AKT1S1: variants seen among roughly 807,000 people sequenced by gnomAD.
AKT1S1 encodes the protein AKT1 substrate 1, also known as proline-rich AKT1 substrate 1.
A neutral mutation model predicts 21.2 loss-of-function variants in AKT1S1; 17 were observed. The observed-to-expected ratio is 0.80, with a 90% CI of 0.55 to 1.20. AKT1S1 has a LOEUF of 1.20. AKT1S1 is among the 50% of genes most tolerant of loss of function. AKT1S1 has a pLI of 0.00. For missense variants in AKT1S1, 366 were observed against 368.3 expected (o/e 0.99, Z 0.05); for synonymous variants, 181 against 165.6 (o/e 1.09, Z -0.72).
chr19:49,869,463 TGGGA>T lies in AKT1S1; in HGVS notation c.*450_*453del, dbSNP rs1291071241. 1.3e-5 allele frequency: 2 copies of T among 153,652 alleles called. No individual in the cohort carries two copies. The highest frequency in any genetic ancestry group is 1.3e-4 in the Admixed American group (2 of 15,296). The allele number at this position is 153,652 out of a possible 1,614,324, so 9.5% of individuals were successfully genotyped here. A position where few individuals can be genotyped will look rare whatever the true frequency, so the allele number is the denominator to read the frequency against. The stretch of plus-strand genomic sequence containing the variant: ...ACGCCCCCAGGAAGCTGGAGCCAAT[TGGGA>T]GGGAGAACTCAGGAAAAGCGGACGG... On this transcript the variant is annotated 3_prime_UTR_variant, in exon 5 of 5. Coordinates refer to ENST00000344175, the MANE Select transcript of AKT1S1 (RefSeq NM_001098633.4).
upstream of AKT1S1, chr19:49,877,595 C>G: frequency 1.0e-6 from 1 of 984,398 alleles, no homozygotes; most frequent in Non-Finnish European, 1.5e-6. Flanking sequence ...TGGTTTCACC[C>G]GCTCCTTCTC....
chr19:49,872,427 G>A (rs533204659), intron 2 of AKT1S1, among the ~76,000 whole-genome samples: 12 of 152,266 alleles, frequency 7.9e-5, no homozygotes, highest in African/African-American at 2.6e-4. Context: ...AAGCCCTAGC[G>A]TTACAGTCCA....
rs1329314633 is a variant in AKT1S1 at position 49,872,981 on chromosome 19, C to G, written c.315G>C (p.Glu105Asp). The change falls in exon 2 of 5, where the codon GAG becomes GAC. Residue 105 changes from glutamate (E) to aspartate (D), a missense_variant. Physicochemically the swap from Glu to Asp is conservative, Grantham distance 45 (BLOSUM62 2). Coordinates refer to ENST00000344175, the MANE Select transcript of AKT1S1 (RefSeq NM_001098633.4). ...RPTLAREDNE[E>D]DEDEPTETET... ...CTGTCTCTGTGGGCTCATCCTCGTCCTCCTCGTTGTCCTCTCTGGCCAGGG... is the reference window on the plus strand; with the variant it reads ...CTGTCTCTGTGGGCTCATCCTCGTCGTCCTCGTTGTCCTCTCTGGCCAGGG... The G allele has an allele frequency of 1.3e-6, 2 of 1,598,746 alleles. No homozygotes were observed. The highest frequency in any genetic ancestry group is 8.5e-7 in the Non-Finnish European group (1 of 1,174,154).
chr19:49,869,798 A>C lies in AKT1S1; in HGVS notation c.*119T>G. 1 of 1,132,520 alleles carries C rather than the reference A, an allele frequency of 8.8e-7. No individual in the cohort carries two copies. The highest frequency in any genetic ancestry group is 1.2e-6 in the Non-Finnish European group (1 of 860,706). 70.2% of individuals were successfully genotyped at this position (1,132,520 alleles called of 1,614,324 possible). On this transcript the variant is annotated 3_prime_UTR_variant, in exon 5 of 5. Transcript: ENST00000344175. ...TTGGCAGAGGCGGGACAATCTTGGG[A>C]ATGGGAGACGCAAGGAGGCCGGTCC...
chr19:49,870,246 AC>A (rs559800339), intron 4 of AKT1S1, among the ~76,000 whole-genome samples, 186 bp from the exon 5 acceptor site: 129 of 152,050 alleles, frequency 8.5e-4, no homozygotes, highest in African/African-American at 2.9e-3. Flanking sequence ...GAACCCTTCT[AC>A]CCGGTTCAGA....
chr19:49,872,776 A>C (rs1277546005), intron 2 of AKT1S1, 141 bp downstream of exon 2: 1 of 1,045,892 alleles, frequency 9.6e-7, no homozygotes, highest in Non-Finnish European at 1.4e-6. Context: ...AGCAAGCCCC[A>C]GGCAAGCCTG....
Position 49,871,795 on chromosome 19 carries a change from C to T in AKT1S1, c.457+17G>A, listed in dbSNP as rs1338024112. 3 of 1,611,346 alleles carry T rather than the reference C, an allele frequency of 1.9e-6. No individual in the cohort carries two copies. Among genetic ancestry groups the T allele is most frequent in the Non-Finnish European group, 2.5e-6 (3 of 1,178,768 alleles). On this transcript the variant is annotated intron_variant, in intron 3 of 4. Coordinates refer to ENST00000344175, the MANE Select transcript of AKT1S1 (RefSeq NM_001098633.4). ...GCCTGCCCTCAGGTCGGGAGGGGAA[C>T]AGCCTGGGACACTCACCATCTGTAC...
At chr19:49,875,480 C>A (rs908112856) in intron 1 of AKT1S1, among the ~76,000 whole-genome samples, 1 of 152,184 alleles carries the variant, frequency 6.6e-6, no homozygotes, top group Non-Finnish European at 1.5e-5. Context: ...TGGGGGGTAC[C>A]CGGTGTCTCA....
At position 49,869,986 on chromosome 19, in the gene AKT1S1, C is replaced by A. The variant is rs373953482; in HGVS notation, c.702G>T (p.Gln234His). The change falls in exon 5 of 5, where the codon CAG (glutamine) becomes CAT (histidine). Residue 234 changes from glutamine (Q) to histidine (H), a missense_variant. By Grantham distance (24) the Gln-to-His change is conservative. Coordinates refer to ENST00000344175, the MANE Select transcript of AKT1S1 (RefSeq NM_001098633.4). ...GCGGCCGTGGCAGGTCCCCGAAGAC[C>A]TGGGTGTCCTCGGCCTCTCGCAGCA... The part of the protein sequence containing the change: ...ALVLREAEDT[Q>H]VFGDLPRPRL... 36 of 1,548,154 alleles carry A rather than the reference C, an allele frequency of 2.3e-5. No individual in the cohort carries two copies. The highest frequency in any genetic ancestry group is 3.1e-5 in the Non-Finnish European group (36 of 1,144,396).
upstream of AKT1S1, chr19:49,877,360 C>T (rs1171270897): frequency 1.4e-5 from 4 of 293,596 alleles, no homozygotes; most frequent in South Asian, 1.2e-4. Context: ...AATGGTACCT[C>T]CTTGGCTTCA....
chr19:49,873,464 T>A lies in AKT1S1; in HGVS notation c.-7-162A>T. 1 of 1,284,008 alleles carries A rather than the reference T, an allele frequency of 7.8e-7. No homozygotes were observed. Among genetic ancestry groups the A allele is most frequent in the Non-Finnish European group, 1.0e-6 (1 of 997,082 alleles). The allele number at this position is 1,284,008 out of a possible 1,614,324, so 79.5% of individuals were successfully genotyped here. On this transcript the variant is annotated intron_variant, in intron 1 of 4. Transcript: ENST00000344175. The surrounding 1 kb of genome is among the most constrained non-coding windows in gnomAD (Gnocchi z 6.9). ...CCCCAAACCTGCTACTCCCCAGGAT[T>A]CTCACCATCCAGTCCTCGCAGGCCC...
Position 49,869,311 on chromosome 19 carries a change from G to C in AKT1S1, c.*606C>G, listed in dbSNP as rs1200666266. Reference sequence around the variant, plus strand: ...GGGGTGCCAGAGGCAGGGACAGTTTGGGGCCATCCCTGAGGGGGTCAGGGA... The same window carrying C: ...GGGGTGCCAGAGGCAGGGACAGTTTCGGGCCATCCCTGAGGGGGTCAGGGA... On this transcript the variant is annotated 3_prime_UTR_variant, in exon 5 of 5. Coordinates refer to ENST00000344175, the MANE Select transcript of AKT1S1 (RefSeq NM_001098633.4). The C allele has an allele frequency of 6.5e-6, 1 of 152,856 alleles. No individual in the cohort carries two copies. The highest frequency in any genetic ancestry group is 1.5e-5 in the Non-Finnish European group (1 of 68,112). 9.5% of individuals were successfully genotyped at this position (152,856 alleles called of 1,614,324 possible).
chr19:49,869,812 G>C lies in AKT1S1; in HGVS notation c.*105C>G. Reference sequence around the variant, plus strand: ...ACAATCTTGGGAATGGGAGACGCAAGGAGGCCGGTCCCGGATCGGCCTCAG... The same window carrying C: ...ACAATCTTGGGAATGGGAGACGCAACGAGGCCGGTCCCGGATCGGCCTCAG... On this transcript the variant is annotated 3_prime_UTR_variant, in exon 5 of 5. Transcript: ENST00000344175. The C allele has an allele frequency of 8.3e-7, 1 of 1,206,140 alleles. No homozygotes were observed. The highest frequency in any genetic ancestry group is 1.1e-6 in the Non-Finnish European group (1 of 924,692). The allele number at this position is 1,206,140 out of a possible 1,614,324, so 74.7% of individuals were successfully genotyped here.
intron 1 of AKT1S1, chr19:49,876,701 C>G (rs1046215986): frequency 8.3e-6 from 12 of 1,438,032 alleles, no homozygotes; most frequent in Non-Finnish European, 1.1e-5. Context: ...GCCTCCTCTC[C>G]GCACACTCCG....
Position 49,875,726 on chromosome 19 carries a change from G to C in AKT1S1, c.-8+1511C>G, listed in dbSNP as rs2074932676. On this transcript the variant is annotated intron_variant, in intron 1 of 4. Transcript: ENST00000344175. ...AGCCACGGGATTAAAGAGTGAAATAGGGTGAGTGAGTTGTGAGGGCTCCCC... is the reference window on the plus strand; with the variant it reads ...AGCCACGGGATTAAAGAGTGAAATACGGTGAGTGAGTTGTGAGGGCTCCCC... The C allele has an allele frequency of 5.2e-6, 2 of 381,484 alleles. 1 individual carries two copies. Among genetic ancestry groups the C allele is most frequent in the South Asian group, 2.1e-4 (2 of 9,390 alleles). 23.6% of individuals were successfully genotyped at this position (381,484 alleles called of 1,614,324 possible).
chr19:49,876,216 G>A, intron 1 of AKT1S1: 6 of 1,042,824 alleles, frequency 5.8e-6, no homozygotes, highest in Non-Finnish European at 6.9e-6. Context: ...GGGGTCCAGG[G>A]AGGACCCACT....
Position 49,871,844 on chromosome 19 carries a change from GGGGGAAGGTCCTGGA to G in AKT1S1, c.410_424del (p.Leu137_Pro141del). 6.2e-7 allele frequency: 1 copy of G among 1,611,630 alleles called. No homozygotes were observed. Among genetic ancestry groups the G allele is most frequent in the Non-Finnish European group, 8.5e-7 (1 of 1,179,320 alleles). On this transcript the variant is annotated inframe_deletion, in exon 3 of 5. Transcript: ENST00000344175. ...ACTCTCGGGGTCTGACTCACAGAAG[GGGGGAAGGTCCTGGA>G]GGGTGGCGTCCTCATCCATCACAAA...
At chr19:49,875,793 C>G (rs903046439) in intron 1 of AKT1S1, 3 of 965,862 alleles carry the variant, frequency 3.1e-6, no homozygotes, top group African/African-American at 3.5e-5. Context: ...GCGACTTCCA[C>G]AGACCTCTTT....
At chr19:49,875,882 T>C in intron 1 of AKT1S1, 1 of 985,358 alleles carries the variant, frequency 1.0e-6, no homozygotes, top group Non-Finnish European at 1.2e-6. Flanking sequence ...ACCCTTCAGC[T>C]TCTAGAGGAG....
Sources: gnomAD v4.1 joint callset for allele counts (sites outside exome capture counted in the v4.1 genomes callset) on GRCh38, gnomAD v4.1.1 for gene constraint, Gnocchi (gnomAD v3.1) non-coding constraint, MANE v1.5 for transcripts, NCBI Gene and HGNC (gene_info 2026-07-23, HGNC 2026-07-21) for gene names.